DEK: variants seen among roughly 807,000 people sequenced by gnomAD.
The protein encoded by DEK is DEK proto-oncogene, also known as protein DEK.
A neutral mutation model predicts 46.8 loss-of-function variants in DEK; 28 were observed. The ratio of observed to expected loss-of-function variants is 0.60; its 90% CI spans 0.44 to 0.82. DEK has a LOEUF of 0.82. DEK is among the 40% of genes least tolerant of loss of function. The pLI is 0.00. For missense variants in DEK, 416 were observed against 430.6 expected (o/e 0.97, Z 0.30); for synonymous variants, 160 against 144.5 (o/e 1.11, Z -0.77).
At chr6:18,257,008 C>T (rs1791623701) in intron 4 of DEK, among the ~76,000 whole-genome samples, 1 of 152,188 alleles carries the variant, frequency 6.6e-6, no homozygotes, top group Non-Finnish European at 1.5e-5. Flanking sequence ...TTCTATTCTA[C>T]TTCAGACATT....
At chr6:18,240,196 A>G (rs1790842216) in intron 7 of DEK, among the ~76,000 whole-genome samples, 1 of 152,246 alleles carries the variant, frequency 6.6e-6, no homozygotes, top group Admixed American at 6.5e-5. Flanking sequence ...ATAATAATAA[A>G]TAACAAGCCA....
intron 7 of DEK, among the ~76,000 whole-genome samples, chr6:18,246,450 A>C (rs1450562757): frequency 1.3e-5 from 2 of 152,232 alleles, no homozygotes; most frequent in Admixed American, 6.5e-5. Flanking sequence ...CATATCATAA[A>C]AACAGAGGTA....
chr6:18,226,378 T>C (rs1389994942), intron 9 of DEK, 136 bp from the exon 10 acceptor site: 16 of 671,224 alleles, frequency 2.4e-5, no homozygotes, highest in Non-Finnish European at 3.5e-5. Context: ...TTAACCCATA[T>C]GGAATTCTAT....
chr6:18,261,465 G>A (rs1249728457), intron 2 of DEK, among the ~76,000 whole-genome samples: 4 of 152,138 alleles, frequency 2.6e-5, no homozygotes, highest in African/African-American at 7.2e-5. Flanking sequence ...CCAGCTACTC[G>A]AGAGGCTGAG....
intron 7 of DEK, chr6:18,244,405 G>A: frequency 2.0e-6 from 1 of 503,506 alleles, no homozygotes; most frequent in East Asian, 7.2e-5. Flanking sequence ...AACGTGAAGG[G>A]GATTCTCCCT....
chr6:18,263,790 A>G (rs1470752080), intron 2 of DEK, 53 bp downstream of exon 2: 3 of 1,610,508 alleles, frequency 1.9e-6, no homozygotes, highest in Non-Finnish European at 1.7e-6. Flanking sequence ...GGTGAAAAAT[A>G]CAAAAAAACT....
intron 4 of DEK, among the ~76,000 whole-genome samples, chr6:18,257,103 A>C (rs1791627629): frequency 1.3e-5 from 2 of 152,216 alleles, no homozygotes; most frequent in South Asian, 4.1e-4. Context: ...GTACAGTATA[A>C]TAACAATCCT....
rs1790006761 is a variant in DEK, at chr6:18,224,154, T to C, written c.*1565A>G. 1 of 171,862 alleles carries C rather than the reference T, an allele frequency of 5.8e-6. No individual in the cohort carries two copies. The highest frequency in any genetic ancestry group is 1.0e-4 in the East Asian group (1 of 9,712). 10.6% of individuals were successfully genotyped at this position (171,862 alleles called of 1,614,324 possible). A position where few individuals can be genotyped will look rare whatever the true frequency, so the allele number is the denominator to read the frequency against. ...AAATGCTATATACACCTATAAGATA[T>C]CAAATGCAAGTGACTTAAAACACCA... On this transcript the variant is annotated 3_prime_UTR_variant, in exon 11 of 11. Coordinates refer to ENST00000652689, the MANE Select transcript of DEK (RefSeq NM_003472.4).
At position 18,261,598 on chromosome 6, in the gene DEK, GA is replaced by G. The variant is rs1467300147; in HGVS notation, c.145+2244del. ...AAAAACAAACAAACAAACAAACACA[GA>G]AAAACAAAAACCAAACAAAAACCAA... On this transcript the variant is annotated intron_variant, in intron 2 of 10. Coordinates refer to ENST00000652689, the MANE Select transcript of DEK (RefSeq NM_003472.4). Among the ~76,000 whole-genome samples, 31 of 148,794 alleles carry G rather than the reference GA, an allele frequency of 2.1e-4. No homozygotes were observed. In the East Asian group the frequency reaches 2.6e-3, roughly 13 times the overall value.
intron 6 of DEK, among the ~76,000 whole-genome samples, chr6:18,254,665 T>A (rs1388857437): frequency 6.6e-6 from 1 of 152,020 alleles, no homozygotes; most frequent in Non-Finnish European, 1.5e-5. Context: ...AAAAGATAAA[T>A]ATAAAAATAT....
intron 7 of DEK, among the ~76,000 whole-genome samples, chr6:18,238,678 T>G: frequency 7.2e-6 from 1 of 139,386 alleles, no homozygotes; most frequent in African/African-American, 2.6e-5. Context: ...GGAGAGAGAC[T>G]GTCTCAAAAA....
Position 18,225,335 on chromosome 6 carries a change from A to G in DEK, c.*384T>C, listed in dbSNP as rs369000597. On this transcript the variant is annotated 3_prime_UTR_variant, in exon 11 of 11. Coordinates refer to ENST00000652689, the MANE Select transcript of DEK (RefSeq NM_003472.4). ...ATATACTAAATACTACAATCTCTGT[A>G]TGTATAAATCCTGGTGATAATAGTT... 3.0e-4 allele frequency: 74 copies of G among 245,146 alleles called. No homozygotes were observed. The highest frequency in any genetic ancestry group is 1.6e-3 in the African/African-American group (74 of 45,756). The allele number at this position is 245,146 out of a possible 1,614,324, so 15.2% of individuals were successfully genotyped here.
chr6:18,226,040 T>C, intron 10 of DEK, 134 bp downstream of exon 10: 1 of 880,302 alleles, frequency 1.1e-6, no homozygotes, highest in Non-Finnish European at 1.6e-6. Flanking sequence ...GAAATAAATT[T>C]CCCTATTATG....
intron 9 of DEK, among the ~76,000 whole-genome samples, chr6:18,229,781 G>T (rs1168195338): frequency 2.6e-5 from 4 of 152,194 alleles, no homozygotes; most frequent in Non-Finnish European, 5.9e-5. Flanking sequence ...CGGGGAGAAT[G>T]GAACCAAGTT....
intron 6 of DEK, among the ~76,000 whole-genome samples, chr6:18,252,509 CAAAAAA>C (rs61626818): frequency 3.4e-4 from 10 of 29,136 alleles, no homozygotes; most frequent in African/African-American, 8.1e-4. Context: ...ACGCTGTCTC[CAAAAAA>C]AAAAAAAAAA....
At chr6:18,238,284 T>C (rs112931077) in intron 7 of DEK, among the ~76,000 whole-genome samples, 53 of 152,336 alleles carry the variant, frequency 3.5e-4, no homozygotes, top group East Asian at 1.5e-3. Flanking sequence ...TGTGGTTACC[T>C]TGTCCACAGT....
chr6:18,232,338 A>G (rs1346269261), intron 9 of DEK, among the ~76,000 whole-genome samples: 2 of 152,222 alleles, frequency 1.3e-5, no homozygotes, highest in Admixed American at 6.5e-5. Context: ...CTCCTATTCA[A>G]CATAGTGCTG....
intron 7 of DEK, among the ~76,000 whole-genome samples, chr6:18,247,432 T>C (rs902361845): frequency 3.3e-5 from 5 of 152,224 alleles, no homozygotes; most frequent in Admixed American, 2.0e-4. Flanking sequence ...AAAGCATTTT[T>C]ACATTTTCTT....
At chr6:18,228,317 T>TATAA (rs1179065289) in intron 9 of DEK, among the ~76,000 whole-genome samples, 6 of 152,300 alleles carry the variant, frequency 3.9e-5, no homozygotes, top group African/African-American at 1.4e-4. Context: ...AGAATGGATT[T>TATAA]AGCCCACAGG....
Sources: allele counts gnomAD v4.1 joint callset (sites outside exome capture counted in the v4.1 genomes callset), GRCh38; gene constraint gnomAD v4.1.1; transcripts MANE v1.5; gene names NCBI Gene and HGNC (gene_info 2026-07-23, HGNC 2026-07-21).